SH3KBP1: variants seen among roughly 807,000 people sequenced by gnomAD.
The protein encoded by SH3KBP1 is SH3 domain containing kinase binding protein 1, also known as SH3 domain-containing kinase-binding protein 1.
Under a neutral mutation model 50.1 loss-of-function variants are expected in SH3KBP1, and 8 were observed. The observed-to-expected ratio is 0.16, with a 90% CI of 0.09 to 0.29. SH3KBP1 has a LOEUF of 0.29. Ranked by LOEUF, SH3KBP1 falls within the 10% of genes least tolerant of loss-of-function variation. SH3KBP1 has a pLI of 1.00. For synonymous variants in SH3KBP1, 227 were observed against 218.6 expected (o/e 1.04, Z -0.34); for missense variants, 377 against 535.2 (o/e 0.70, Z 2.92).
intron 6 of SH3KBP1, among the ~76,000 whole-genome samples, chrX:19,681,109 G>A (rs1254163501): frequency 6.3e-5 from 7 of 111,445 alleles, no homozygotes; most frequent in Non-Finnish European, 1.3e-4. Flanking sequence ...CCAAAAATCC[G>A]AAATCCAAAA....
intron 12 of SH3KBP1, among the ~76,000 whole-genome samples, chrX:19,579,881 T>C: frequency 9.0e-6 from 1 of 111,366 alleles, no homozygotes. Context: ...ACTTTTCCAC[T>C]CCCTTGGGGC....
intron 1 of SH3KBP1, among the ~76,000 whole-genome samples, chrX:19,876,832 T>C (rs1299518800): frequency 5.4e-5 from 6 of 111,274 alleles, no homozygotes; most frequent in African/African-American, 2.0e-4. Context: ...AAAAACTAAC[T>C]TTAAAAATGT....
chrX:19,542,578 G>A (rs978365039), intron 15 of SH3KBP1, among the ~76,000 whole-genome samples: 4 of 111,355 alleles, frequency 3.6e-5, no homozygotes, highest in Non-Finnish European at 7.5e-5. Context: ...ACAGACCAAC[G>A]CACTGAGATG....
chrX:19,537,858 T>A, intron 16 of SH3KBP1, 78 bp from the exon 17 acceptor site: 1 of 811,335 alleles, frequency 1.2e-6, no homozygotes, highest in Non-Finnish European at 1.9e-6. Flanking sequence ...TTATTATGAC[T>A]ACAAAATCCA....
intron 6 of SH3KBP1, among the ~76,000 whole-genome samples, chrX:19,682,913 AG>A (rs1413206845): frequency 9.2e-6 from 1 of 108,834 alleles, no homozygotes; most frequent in African/African-American, 3.4e-5. Flanking sequence ...AAAAAAAGAA[AG>A]AAAAAAAAAC....
At chrX:19,826,663 A>G (rs144830630) in intron 2 of SH3KBP1, among the ~76,000 whole-genome samples, 1,740 of 109,755 alleles carry the variant, frequency 0.016, 31 homozygotes, top group African/African-American at 0.054. Context: ...AGCCTAGGCT[A>G]TGGAAGGAGA....
chrX:19,649,443 A>G (rs889277484), intron 6 of SH3KBP1, among the ~76,000 whole-genome samples: 1 of 111,280 alleles, frequency 9.0e-6, no homozygotes, highest in African/African-American at 3.3e-5. Context: ...AAGGATGTGC[A>G]TGTGGTTGGA....
chrX:19,597,027 G>A (rs1374444522), intron 9 of SH3KBP1, among the ~76,000 whole-genome samples: 1 of 111,729 alleles, frequency 9.0e-6, no homozygotes, highest in Non-Finnish European at 1.9e-5. Context: ...ATCTAGAATG[G>A]TGAGCCCTTT....
intron 8 of SH3KBP1, among the ~76,000 whole-genome samples, chrX:19,626,655 C>T (rs1254711404): frequency 9.0e-6 from 1 of 110,805 alleles, no homozygotes; most frequent in Non-Finnish European, 1.9e-5. Flanking sequence ...GCAGCCTCAA[C>T]CTCCTGGGCT....
At chrX:19,570,233 C>T (rs1280907046) in intron 12 of SH3KBP1, among the ~76,000 whole-genome samples, 2 of 111,864 alleles carry the variant, frequency 1.8e-5, no homozygotes, top group East Asian at 2.8e-4. Flanking sequence ...GGCTATAAGA[C>T]GCAGGTGTCA....
intron 2 of SH3KBP1, among the ~76,000 whole-genome samples, chrX:19,775,816 C>G (rs1381457930): frequency 1.8e-5 from 2 of 111,784 alleles, no homozygotes; most frequent in Non-Finnish European, 3.8e-5. Context: ...ATTACCTTCT[C>G]GATTACAGCT....
chrX:19,633,473 T>C (rs191120268), intron 7 of SH3KBP1, among the ~76,000 whole-genome samples: 4 of 112,099 alleles, frequency 3.6e-5, no homozygotes, highest in East Asian at 2.8e-4. Flanking sequence ...ATTGGTCAAA[T>C]GTTCTACAGA....
At chrX:19,625,206 A>G (rs951858487) in intron 8 of SH3KBP1, among the ~76,000 whole-genome samples, 1 of 111,923 alleles carries the variant, frequency 8.9e-6, no homozygotes, top group Non-Finnish European at 1.9e-5. Flanking sequence ...TTTCTCATGA[A>G]TACATGTTTT....
chrX:19,851,106 C>T (rs949507412), intron 1 of SH3KBP1, among the ~76,000 whole-genome samples: 2 of 111,594 alleles, frequency 1.8e-5, no homozygotes, highest in East Asian at 5.6e-4. Flanking sequence ...ACCCCTACTA[C>T]TCTCCTAAAT....
intron 2 of SH3KBP1, among the ~76,000 whole-genome samples, chrX:19,827,978 G>A (rs1489005501): frequency 9.2e-6 from 1 of 108,958 alleles, no homozygotes; most frequent in Non-Finnish European, 1.9e-5. Context: ...ACCTTTTAAT[G>A]TCATGCTATT....
At chrX:19,727,168 C>T (rs1334834413) in intron 3 of SH3KBP1, among the ~76,000 whole-genome samples, 6 of 112,335 alleles carry the variant, frequency 5.3e-5, no homozygotes, top group Non-Finnish European at 1.1e-4. Flanking sequence ...GCATTCATAA[C>T]ATAAAATTTA....
chrX:19,820,134 T>C (rs2067483558), intron 2 of SH3KBP1, among the ~76,000 whole-genome samples: 1 of 112,063 alleles, frequency 8.9e-6, no homozygotes, highest in African/African-American at 3.2e-5. Context: ...AGGATATGGT[T>C]TAACTTGGCA....
rs180983577 is a variant in SH3KBP1 at position 19,661,866 on chromosome X, A to G, written c.727-16391T>C. 4.1e-3 allele frequency among the ~76,000 whole-genome samples: 453 copies of G among 111,304 alleles called. 2 individuals carry two copies. Among genetic ancestry groups the G allele is most frequent in the Middle Eastern group, 0.023 (5 of 217 alleles). ...GGTCTTGAGCTCCTGACCTCAGGTGATCGACCTGCCTTGGCCTCCCAAAGT... is the reference window on the plus strand; with the variant it reads ...GGTCTTGAGCTCCTGACCTCAGGTGGTCGACCTGCCTTGGCCTCCCAAAGT... On this transcript the variant is annotated intron_variant, in intron 6 of 17. Transcript: ENST00000397821.
intron 2 of SH3KBP1, among the ~76,000 whole-genome samples, chrX:19,752,105 G>C (rs1195495332): frequency 2.7e-5 from 3 of 112,146 alleles, no homozygotes; most frequent in Non-Finnish European, 3.8e-5. Context: ...TGATCAGTTT[G>C]GGGGCCCCTC....
Sources: allele counts gnomAD v4.1 joint callset (sites outside exome capture counted in the v4.1 genomes callset), GRCh38; gene constraint gnomAD v4.1.1; transcripts MANE v1.5; gene names NCBI Gene and HGNC (gene_info 2026-07-23, HGNC 2026-07-21).